ANGPT2: variants seen among roughly 807,000 people sequenced by gnomAD.
The protein encoded by ANGPT2 is angiopoietin 2.
A neutral mutation model predicts 62.9 loss-of-function variants in ANGPT2; 28 were observed. The ratio of observed to expected loss-of-function variants is 0.44; its 90% CI spans 0.33 to 0.61. The LOEUF (loss-of-function observed/expected upper bound fraction) is 0.61, where lower values mean the gene tolerates loss of function less well. ANGPT2 is among the 20% of genes least tolerant of loss of function. ANGPT2 has a pLI of 0.03. For missense variants in ANGPT2, 727 were observed against 594.9 expected (o/e 1.22, Z -2.31); for synonymous variants, 284 against 207.8 (o/e 1.37, Z -3.15).
intron 1 of ANGPT2, 131 bp downstream of exon 1, chr8:6,562,516 A>C: frequency 2.6e-6 from 2 of 779,168 alleles, no homozygotes; most frequent in East Asian, 2.9e-5. Context: ...GGTACCAGCA[A>C]CCCGCTCTCC....
chr8:6,505,307 A>G lies in ANGPT2; in HGVS notation c.1328-2046T>C, dbSNP rs1262469095. ...ATATGTTATATACATATATATGTATATAACATATATATGTTATATACATAT... is the reference window on the plus strand; with the variant it reads ...ATATGTTATATACATATATATGTATGTAACATATATATGTTATATACATAT... On this transcript the variant is annotated intron_variant, in intron 8 of 8. Coordinates refer to ENST00000629816, the MANE Select transcript of ANGPT2 (RefSeq NM_001118887.2). Among the ~76,000 whole-genome samples the G allele has an allele frequency of 1.1e-4, 5 of 45,572 alleles. 1 individual carries two copies. The highest frequency in any genetic ancestry group is 6.2e-4 in the East Asian group (1 of 1,620). 29.9% of individuals were successfully genotyped at this position (45,572 alleles called of 152,430 possible). A position where few individuals can be genotyped will look rare whatever the true frequency, so the allele number is the denominator to read the frequency against.
At chr8:6,512,304 A>G (rs1050689424) in intron 7 of ANGPT2, among the ~76,000 whole-genome samples, 38 of 152,138 alleles carry the variant, frequency 2.5e-4, no homozygotes, top group African/African-American at 8.0e-4. Flanking sequence ...GCCCACCACA[A>G]TCCTCCCCTG....
chr8:6,520,122 T>C, intron 4 of ANGPT2, 131 bp from the exon 5 acceptor site: 1 of 985,656 alleles, frequency 1.0e-6, no homozygotes, highest in Non-Finnish European at 1.4e-6. Flanking sequence ...CTGTACCACT[T>C]TTTTAACCTT....
intron 2 of ANGPT2, among the ~76,000 whole-genome samples, chr8:6,530,837 A>T (rs1025825394): frequency 1.3e-5 from 2 of 152,188 alleles, no homozygotes; most frequent in African/African-American, 4.8e-5. Flanking sequence ...CAATGAAAGA[A>T]CAGCTGTGTC....
rs568052111 is a variant in ANGPT2 at position 6,509,801 on chromosome 8, G to A, written c.1197-739C>T. 9.2e-5 allele frequency among the ~76,000 whole-genome samples: 14 copies of A among 152,218 alleles called. No individual in the cohort carries two copies. In the East Asian group the frequency reaches 1.5e-3, roughly 17 times the overall value. ...GCTCTAGCCTTCCTTAAATGTGCTC[G>A]GAACACTCACATTAGCCCACAGTCA... On this transcript the variant is annotated intron_variant, in intron 7 of 8. Coordinates refer to ENST00000629816, the MANE Select transcript of ANGPT2 (RefSeq NM_001118887.2).
Position 6,562,846 on chromosome 8 carries a change from C to T in ANGPT2, c.89G>A (p.Gly30Glu). ...ATGCTGGACCTGATATTGCTTCTTT[C>T]CTATGCTGTCCATGCTCTTCCGAAA... is the stretch of plus-strand genomic sequence containing the variant. ...NNFRKSMDSI[G>E]KKQYQVQHGS... The change falls in exon 1 of 9, where the codon GGA (glycine) becomes GAA (glutamate). Residue 30 changes from glycine (G) to glutamate (E), a missense_variant. Physicochemically the swap from Gly to Glu is moderately conservative, Grantham distance 98. Transcript: ENST00000629816. The T allele has an allele frequency of 6.2e-7, 1 of 1,613,834 alleles. No homozygotes were observed. Among genetic ancestry groups the T allele is most frequent in the Non-Finnish European group, 8.5e-7 (1 of 1,179,934 alleles).
At chr8:6,541,424 A>G (rs958803255) in intron 1 of ANGPT2, among the ~76,000 whole-genome samples, 4 of 152,098 alleles carry the variant, frequency 2.6e-5, no homozygotes, top group African/African-American at 9.7e-5. Context: ...GGAGAGGAAA[A>G]GCAGTGCTCT....
chr8:6,542,549 A>G (rs913503742), intron 1 of ANGPT2, among the ~76,000 whole-genome samples: 6 of 152,042 alleles, frequency 3.9e-5, no homozygotes, highest in African/African-American at 1.2e-4. Flanking sequence ...TGGTCTCCCA[A>G]CACCCCATCC....
Position 6,514,692 on chromosome 8 carries a change from C to G in ANGPT2, c.1014G>C (p.Trp338Cys). 6.2e-7 allele frequency: 1 copy of G among 1,614,044 alleles called. No homozygotes were observed. Among genetic ancestry groups the G allele is most frequent in the Non-Finnish European group, 8.5e-7 (1 of 1,179,948 alleles). Reference sequence around the variant, plus strand: ...ATGTCCTTACCACTTTATATTCTTTCCAAGTCCTCTGAAAATCAACGCTGC... The same window carrying G: ...ATGTCCTTACCACTTTATATTCTTTGCAAGTCCTCTGAAAATCAACGCTGC... ...EDGSVDFQRTWKEYKVGFGNP... is the reference protein window; with the variant it reads ...EDGSVDFQRTCKEYKVGFGNP... The change falls in exon 6 of 9, where the codon TGG becomes TGC. Residue 338 changes from tryptophan to cysteine, a missense_variant. Physicochemically the swap from Trp to Cys is radical, Grantham distance 215. Transcript: ENST00000629816.
chr8:6,544,553 C>T (rs775950991), intron 1 of ANGPT2, among the ~76,000 whole-genome samples: 10 of 152,008 alleles, frequency 6.6e-5, no homozygotes, highest in Middle Eastern at 3.2e-3. Context: ...GAGAGTTTGT[C>T]GAAGTTTTTT....
intron 5 of ANGPT2, 34 bp from the exon 6 acceptor site, chr8:6,514,812 G>GC (rs762403526): frequency 1.5e-4 from 238 of 1,576,624 alleles, no homozygotes; most frequent in Non-Finnish European, 1.6e-4. Flanking sequence ...AAGTGACAGA[G>GC]CCCCCCCACT....
At chr8:6,538,858 G>A (rs933321599) in intron 1 of ANGPT2, among the ~76,000 whole-genome samples, 5 of 152,210 alleles carry the variant, frequency 3.3e-5, no homozygotes, top group African/African-American at 1.2e-4. Flanking sequence ...CTTAGAATTA[G>A]TTTGAAAACT....
intron 5 of ANGPT2, among the ~76,000 whole-genome samples, chr8:6,519,358 G>A (rs1319096188): frequency 6.6e-6 from 1 of 152,142 alleles, no homozygotes; most frequent in Non-Finnish European, 1.5e-5. Context: ...CCATCCCCGT[G>A]TGAGGCAGGG....
At chr8:6,555,259 C>G (rs1434185173) in intron 1 of ANGPT2, among the ~76,000 whole-genome samples, 1 of 152,052 alleles carries the variant, frequency 6.6e-6, no homozygotes. Flanking sequence ...TTTTCAAACT[C>G]TAATAGTGGG....
At chr8:6,505,779 T>C (rs549621119) in intron 8 of ANGPT2, among the ~76,000 whole-genome samples, 56 of 118,892 alleles carry the variant, frequency 4.7e-4, no homozygotes, top group African/African-American at 1.7e-3. Context: ...ATATATTCTT[T>C]ATATATGTAT....
At chr8:6,531,118 C>A (rs540003118) in intron 2 of ANGPT2, among the ~76,000 whole-genome samples, 49 of 152,110 alleles carry the variant, frequency 3.2e-4, no homozygotes, top group African/African-American at 1.2e-3. Flanking sequence ...ACGACCACGG[C>A]CTTGAGCTTG....
intron 1 of ANGPT2, 98 bp downstream of exon 1, chr8:6,562,549 C>CTTGTTTTTTTTT: frequency 1.1e-5 from 1 of 87,292 alleles, no homozygotes; most frequent in Non-Finnish European, 2.1e-5. Context: ...CTTCATCCTC[C>CTTGTTTTTTTTT]TTCTTTTTTT....
rs377491615 is a variant in ANGPT2, at chr8:6,539,143, G to A, written c.289-6656C>T. Reference sequence around the variant, plus strand: ...TAAAGAGGGAAGGGCTGGGAGATGCGGATTTTGGGCAGCACTTTGTCCTCC... The same window carrying A: ...TAAAGAGGGAAGGGCTGGGAGATGCAGATTTTGGGCAGCACTTTGTCCTCC... On this transcript the variant is annotated intron_variant, in intron 1 of 8. Coordinates refer to ENST00000629816, the MANE Select transcript of ANGPT2 (RefSeq NM_001118887.2). 7.2e-5 allele frequency among the ~76,000 whole-genome samples: 11 copies of A among 152,334 alleles called. 1 individual carries two copies. The South Asian group carries it at 1.0e-3, about 14-fold the overall frequency.
At position 6,502,902 on chromosome 8, in the gene ANGPT2, T is replaced by A. The variant is rs557677761; in HGVS notation, c.*199A>T. On this transcript the variant is annotated 3_prime_UTR_variant, in exon 9 of 9. Coordinates refer to ENST00000629816, the MANE Select transcript of ANGPT2 (RefSeq NM_001118887.2). ...TAATCACAATTATGGATGTTTAGGG[T>A]CTTGCTTTGGTCCGTTAAGTGATGC... 338 of 584,824 alleles carry A rather than the reference T, an allele frequency of 5.8e-4. 1 individual carries two copies. The highest frequency in any genetic ancestry group is 6.5e-5 in the Non-Finnish European group (22 of 336,024). The allele number at this position is 584,824 out of a possible 1,614,324, so 36.2% of individuals were successfully genotyped here.
Sources: allele counts gnomAD v4.1 joint callset (sites outside exome capture counted in the v4.1 genomes callset), GRCh38; gene constraint gnomAD v4.1.1; transcripts MANE v1.5; gene names NCBI Gene and HGNC (gene_info 2026-07-23, HGNC 2026-07-21).